MID1: variants seen among roughly 807,000 people sequenced by gnomAD.
MID1 encodes the protein E3 ubiquitin-protein ligase Midline-1.
In MID1, 7 loss-of-function variants were observed where a neutral mutation model predicts 40.4. That is an observed-to-expected ratio of 0.17 (90% CI 0.10 to 0.33). MID1 has a LOEUF of 0.33. MID1 is among the 10% of genes least tolerant of loss of function. MID1 has a pLI of 1.00. For missense variants in MID1, 367 were observed against 558.5 expected (o/e 0.66, Z 3.46); for synonymous variants, 229 against 221.2 (o/e 1.04, Z -0.31).
chrX:10,494,632 G>C (rs753556019), intron 4 of MID1, among the ~76,000 whole-genome samples: 1 of 109,478 alleles, frequency 9.1e-6, no homozygotes, highest in Admixed American at 9.8e-5. Context: ...AAATTAGCCA[G>C]GTGTGGTGGC....
At chrX:10,556,429 T>C (rs183391137) in intron 2 of MID1, among the ~76,000 whole-genome samples, 1 of 111,934 alleles carries the variant, frequency 8.9e-6, no homozygotes, top group East Asian at 2.8e-4. Context: ...TTTCACTACT[T>C]AGCTTGGTTT....
intron 1 of MID1, among the ~76,000 whole-genome samples, chrX:10,738,542 A>T (rs193209334): frequency 7.2e-4 from 81 of 112,285 alleles, no homozygotes; most frequent in African/African-American, 2.6e-3. Flanking sequence ...GCAAATACAC[A>T]TACAGATGCC....
At chrX:10,589,710 C>A (rs1245146143) in intron 1 of MID1, 3 of 110,633 alleles carry the variant, frequency 2.7e-5, no homozygotes, top group African/African-American at 9.9e-5. Flanking sequence ...CAAATGCCTA[C>A]CCGGGAGCGC....
chrX:10,556,403 G>C (rs1166814072), intron 2 of MID1, among the ~76,000 whole-genome samples: 1 of 111,514 alleles, frequency 9.0e-6, no homozygotes, highest in East Asian at 2.8e-4. Context: ...ACCACTCACT[G>C]CTTCTTAAAA....
chrX:10,619,385 C>T (rs189600152), intron 1 of MID1, among the ~76,000 whole-genome samples: 90 of 111,328 alleles, frequency 8.1e-4, no homozygotes, highest in African/African-American at 2.7e-3. Context: ...TAGCATTCCT[C>T]TTGAAATCCC....
chrX:10,642,289 T>C (rs1243226716), intron 1 of MID1, among the ~76,000 whole-genome samples: 1 of 111,407 alleles, frequency 9.0e-6, no homozygotes, highest in Non-Finnish European at 1.9e-5. Context: ...GCCCAAAATC[T>C]CCTTAAGCTG....
chrX:10,621,024 G>C (rs766209204), upstream of MID1, among the ~76,000 whole-genome samples: 1 of 111,902 alleles, frequency 8.9e-6, no homozygotes, highest in Non-Finnish European at 1.9e-5. Flanking sequence ...CCAGAAAGGA[G>C]GGTGTTACCT....
intron 1 of MID1, among the ~76,000 whole-genome samples, chrX:10,636,060 G>A (rs976535486): frequency 1.1e-4 from 12 of 112,317 alleles, no homozygotes; most frequent in African/African-American, 3.9e-4. Flanking sequence ...AGAGAGAAAG[G>A]AGAAAGGCAA....
chrX:10,619,961 T>TA (rs201686521), intron 1 of MID1, among the ~76,000 whole-genome samples: 1,491 of 111,766 alleles, frequency 0.013, 10 homozygotes, highest in Non-Finnish European at 0.02. Flanking sequence ...AAGCTCGAGA[T>TA]ACATCCTGCA....
At chrX:10,829,671 T>C (rs60533518) in intron 1 of MID1, among the ~76,000 whole-genome samples, 2,294 of 111,848 alleles carry the variant, frequency 0.021, 71 homozygotes, top group African/African-American at 0.07. Context: ...CTAGAAGTCA[T>C]AGTCCTGACT....
At chrX:10,454,016 C>T (rs1928502598) in intron 9 of MID1, among the ~76,000 whole-genome samples, 1 of 112,412 alleles carries the variant, frequency 8.9e-6, no homozygotes, top group Non-Finnish European at 1.9e-5. Flanking sequence ...AATAAAATAG[C>T]TCCCTTTTTG....
At chrX:10,643,530 C>G (rs111510992) in intron 1 of MID1, among the ~76,000 whole-genome samples, 4,068 of 111,617 alleles carry the variant, frequency 0.036, 176 homozygotes, top group African/African-American at 0.12. Context: ...TGCTGGAGAG[C>G]ATGTGGAGAA....
At chrX:10,583,140 G>A (rs1935056779) in intron 1 of MID1, among the ~76,000 whole-genome samples, 1 of 111,664 alleles carries the variant, frequency 9.0e-6, no homozygotes, top group South Asian at 3.7e-4. Context: ...GCCAGGAGCT[G>A]CTCTAGGCAG....
rs895354365 is a variant in MID1, at chrX:10,591,428, A to G, written c.-56-23825T>C. ...TCTATTCTTTCCATTCCAAATTCCA[A>G]GTGACTCTTTCTCTTTGAAACAGAT... On this transcript the variant is annotated intron_variant, in intron 1 of 9. Coordinates refer to ENST00000317552, the MANE Select transcript of MID1 (RefSeq NM_000381.4). 2.7e-5 allele frequency among the ~76,000 whole-genome samples: 3 copies of G among 112,069 alleles called. No homozygotes were observed. In the Admixed American group the frequency reaches 2.8e-4, roughly 11 times the overall value.
intron 1 of MID1, among the ~76,000 whole-genome samples, chrX:10,791,569 AAGC>A (rs929050381): frequency 8.9e-6 from 1 of 111,896 alleles, no homozygotes; most frequent in Non-Finnish European, 1.9e-5. Context: ...ACTGGCAGAA[AAGC>A]AGAAGAGACA....
chrX:10,774,859 G>GCGGTGGC (rs1407398603), intron 1 of MID1, among the ~76,000 whole-genome samples: 1 of 111,324 alleles, frequency 9.0e-6, no homozygotes, highest in Admixed American at 9.6e-5. Flanking sequence ...TTTCAAGATT[G>GCGGTGGC]GCGTTCTTGG....
chrX:10,686,745 A>G (rs2043101086), intron 1 of MID1, among the ~76,000 whole-genome samples: 1 of 112,455 alleles, frequency 8.9e-6, no homozygotes, highest in Non-Finnish European at 1.9e-5. Context: ...GCCAAACTGC[A>G]ATCCAGGCCC....
In MID1 at chrX:10,460,054, T is replaced by C; in HGVS notation, c.1286-247A>G. 9.5e-6 allele frequency: 4 copies of C among 419,394 alleles called. No homozygotes were observed. In the South Asian group the frequency reaches 1.3e-4, roughly 14 times the overall value. 34.6% of individuals were successfully genotyped at this position (419,394 alleles called of 1,213,427 possible). On this transcript the variant is annotated intron_variant, in intron 7 of 9. Transcript: ENST00000317552. ...TTTGCAGGTGCTCCTTCTAAAGAGG[T>C]GCAATATATTTCCCTGTCATGTGGC...
chrX:10,671,419 G>T (rs756936157), intron 1 of MID1, among the ~76,000 whole-genome samples: 1 of 112,116 alleles, frequency 8.9e-6, no homozygotes, highest in Non-Finnish European at 1.9e-5. Flanking sequence ...ACCAAAGAGG[G>T]TTGATATGAA....
Sources: allele counts gnomAD v4.1 joint callset (sites outside exome capture counted in the v4.1 genomes callset), GRCh38; gene constraint gnomAD v4.1.1; transcripts MANE v1.5; gene names NCBI Gene and HGNC (gene_info 2026-07-23, HGNC 2026-07-21).